The following PCDHA3 variants were observed in gnomAD, a reference collection of about 807,000 sequenced individuals.
PCDHA3 encodes protocadherin alpha-3.
PCDHA3 carries 41 observed loss-of-function variants against 62.2 expected under a neutral mutation model. The ratio of observed to expected loss-of-function variants is 0.66; its 90% CI spans 0.51 to 0.86. The LOEUF is 0.86. PCDHA3 is among the 40% of genes least tolerant of loss of function. PCDHA3 has a pLI of 0.00. For missense variants in PCDHA3, 1,304 were observed against 1,241.2 expected, an observed-to-expected ratio of 1.05 and a Z score of -0.76; for synonymous variants, 640 against 555.4, an observed-to-expected ratio of 1.15 and a Z score of -2.14.
At chr5:140,928,282 C>G in intron 1 of PCDHA3, 1 of 1,614,166 alleles carries the variant, frequency 6.2e-7, no homozygotes, top group Non-Finnish European at 8.5e-7. Flanking sequence ...TGGGGCCTCT[C>G]TAGGCCGAGT....
At chr5:140,965,864 G>A (rs553582487) in intron 1 of PCDHA3, among the ~76,000 whole-genome samples, 1 of 152,254 alleles carries the variant, frequency 6.6e-6, no homozygotes, top group East Asian at 1.9e-4. Flanking sequence ...CTGAAAATAA[G>A]GGCCACTTGG....
chr5:140,938,944 A>G (rs551824557), intron 1 of PCDHA3, among the ~76,000 whole-genome samples: 2 of 152,236 alleles, frequency 1.3e-5, no homozygotes, highest in South Asian at 2.1e-4. Context: ...TTCCATTCTT[A>G]TAATGCTCTA....
At chr5:140,912,914 T>C (rs141956430) in intron 1 of PCDHA3, among the ~76,000 whole-genome samples, 326 of 152,372 alleles carry the variant, frequency 2.1e-3, no homozygotes, top group African/African-American at 7.4e-3. Context: ...ATTGATTGAT[T>C]TGTGTATGTT....
intron 3 of PCDHA3, among the ~76,000 whole-genome samples, chr5:141,003,860 G>T (rs1224171720): frequency 6.6e-6 from 1 of 152,136 alleles, no homozygotes; most frequent in African/African-American, 2.4e-5. Flanking sequence ...ATTTATATGT[G>T]TCTGAAATCC....
chr5:140,870,106 G>A, intron 1 of PCDHA3: 3 of 1,613,922 alleles, frequency 1.9e-6, no homozygotes, highest in Non-Finnish European at 2.5e-6. Context: ...TCACTGTACA[G>A]TCTGGGTGGA....
chr5:140,893,781 G>A (rs113070458), intron 1 of PCDHA3, among the ~76,000 whole-genome samples: 3 of 151,996 alleles, frequency 2.0e-5, no homozygotes, highest in African/African-American at 4.8e-5. Flanking sequence ...TTCTTTTACC[G>A]TTTTTAGAAT....
chr5:140,944,871 C>T (rs1370417254), intron 1 of PCDHA3, among the ~76,000 whole-genome samples: 1 of 152,110 alleles, frequency 6.6e-6, no homozygotes, highest in Non-Finnish European at 1.5e-5. Flanking sequence ...ATCTTAACCA[C>T]CTACTCCACT....
Position 140,917,790 on chromosome 5 carries a change from A to G in PCDHA3, c.2395-61159A>G, listed in dbSNP as rs540599117. The stretch of plus-strand genomic sequence containing the variant: ...GTATTAGTACCATGTTGTTTTGGTT[A>G]CTGTAGCCTTGCAGTATAGTTGAAG... On this transcript the variant is annotated intron_variant, in intron 1 of 3. Coordinates refer to ENST00000522353, the MANE Select transcript of PCDHA3 (RefSeq NM_018906.3). Among the ~76,000 whole-genome samples the G allele has an allele frequency of 4.6e-5, 7 of 152,046 alleles. No homozygotes were observed. In the East Asian group the frequency reaches 1.2e-3, roughly 25 times the overall value.
Position 140,801,422 on chromosome 5 carries a change from GGA to G in PCDHA3, c.227_228del (p.Glu76GlyfsTer51). ...CGTCCAAAAGACACGGGGACCTTCT[GGA>G]GGTAAATCTGCAGAATGGCATTTTG... The part of the protein sequence containing the change: ...VASKRHGDLL[E>X]VNLQNGILFV... On this transcript the variant is annotated frameshift_variant, in exon 1 of 4. Coordinates refer to ENST00000522353, the MANE Select transcript of PCDHA3 (RefSeq NM_018906.3). LOFTEE classifies it high-confidence loss of function. 1 of 1,613,854 alleles carries G rather than the reference GGA, an allele frequency of 6.2e-7. No individual in the cohort carries two copies. The highest frequency in any genetic ancestry group is 8.5e-7 in the Non-Finnish European group (1 of 1,180,030).
At chr5:140,871,596 C>A in intron 1 of PCDHA3, 1 of 1,453,960 alleles carries the variant, frequency 6.9e-7, no homozygotes. Context: ...TATGAATAAC[C>A]AGTGTTTTGA....
chr5:140,877,480 G>A (rs782077464), intron 1 of PCDHA3: 3 of 1,613,888 alleles, frequency 1.9e-6, no homozygotes, highest in Non-Finnish European at 8.5e-7. Context: ...GGTGTCGCTG[G>A]TGGAGAACGG....
intron 1 of PCDHA3, among the ~76,000 whole-genome samples, chr5:140,932,481 C>T (rs945796094): frequency 6.6e-6 from 1 of 151,842 alleles, no homozygotes; most frequent in African/African-American, 2.4e-5. Flanking sequence ...AGGATATCTC[C>T]TCTTTGCAAT....
intron 2 of PCDHA3, among the ~76,000 whole-genome samples, chr5:140,979,721 C>T (rs2153819868): frequency 6.6e-6 from 1 of 152,290 alleles, no homozygotes; most frequent in East Asian, 1.9e-4. Context: ...GTATCCATGC[C>T]ATGGGGCCAA....
intron 1 of PCDHA3, chr5:140,854,328 A>C (rs1562493993): frequency 4.6e-6 from 1 of 216,912 alleles, no homozygotes; most frequent in Non-Finnish European, 7.8e-6. Context: ...TGGCAAACTT[A>C]TTTTACGCTC....
At chr5:140,897,298 G>A (rs1372345306) in intron 1 of PCDHA3, among the ~76,000 whole-genome samples, 18 of 150,818 alleles carry the variant, frequency 1.2e-4, no homozygotes, top group Non-Finnish European at 1.8e-4. Flanking sequence ...TCGTCATTTA[G>A]CATTAGGTAT....
intron 1 of PCDHA3, chr5:140,823,515 G>A: frequency 6.2e-7 from 1 of 1,613,500 alleles, no homozygotes; most frequent in Non-Finnish European, 8.5e-7. Context: ...GCGAGCTGGT[G>A]CCGAGGTCAG....
chr5:140,870,005 T>A lies in PCDHA3; in HGVS notation c.2394+66414T>A, dbSNP rs1006397532. 1 of 1,612,940 alleles carries A rather than the reference T, an allele frequency of 6.2e-7. No individual in the cohort carries two copies. The highest frequency in any genetic ancestry group is 1.7e-5 in the Admixed American group (1 of 59,888). The stretch of plus-strand genomic sequence containing the variant: ...ACACTAGATCAAAATAATGGAGAAG[T>A]GAGGGTCAATGGAACTTTAGATTAT... On this transcript the variant is annotated intron_variant, in intron 1 of 3. Coordinates refer to ENST00000522353, the MANE Select transcript of PCDHA3 (RefSeq NM_018906.3).
Position 140,943,601 on chromosome 5 carries a change from T to C in PCDHA3, c.2395-35348T>C, listed in dbSNP as rs148231077. ...TCTGAGTGGGGCTGAATTCTAAATA[T>C]AGACTTTGATTCATCTGCATAAGGA... On this transcript the variant is annotated intron_variant, in intron 1 of 3. Coordinates refer to ENST00000522353, the MANE Select transcript of PCDHA3 (RefSeq NM_018906.3). Among the ~76,000 whole-genome samples the C allele has an allele frequency of 1.9e-3, 291 of 152,290 alleles. 2 individuals carry two copies. The highest frequency in any genetic ancestry group is 6.6e-3 in the African/African-American group (276 of 41,566).
chr5:140,865,725 A>G (rs1326307411), intron 1 of PCDHA3: 1 of 152,210 alleles, frequency 6.6e-6, no homozygotes, highest in Non-Finnish European at 1.5e-5. Context: ...AGAAGCTGAG[A>G]TGTGTATCTA....
Sources: allele counts gnomAD v4.1 joint callset (sites outside exome capture counted in the v4.1 genomes callset), GRCh38; gene constraint gnomAD v4.1.1; transcripts MANE v1.5; gene names NCBI Gene and HGNC (gene_info 2026-07-23, HGNC 2026-07-21).